Variants in MAMLD1 observed in about 807,000 individuals in gnomAD.
The protein encoded by MAMLD1 is mastermind like domain containing 1, also known as mastermind-like domain-containing protein 1.
MAMLD1 carries 14 observed loss-of-function variants against 45.0 expected under a neutral mutation model. The observed-to-expected ratio is 0.31, with a 90% confidence interval of 0.21 to 0.49. MAMLD1 has a LOEUF of 0.49. MAMLD1 is among the 20% of genes least tolerant of loss of function. MAMLD1 has a pLI of 0.99. For synonymous variants in MAMLD1, 254 were observed against 247.8 expected, an observed-to-expected ratio of 1.02 and a Z score of -0.24; for missense variants, 543 against 603.6, an observed-to-expected ratio of 0.90 and a Z score of 1.05.
chrX:150,375,545 G>A (rs1029774484), intron 1 of MAMLD1, among the ~76,000 whole-genome samples: 1 of 112,664 alleles, frequency 8.9e-6, no homozygotes, highest in Non-Finnish European at 1.9e-5. Context: ...CTTTTGGAAA[G>A]AAATGTGTTG....
chrX:150,392,867 C>A (rs1053775325), intron 1 of MAMLD1, among the ~76,000 whole-genome samples: 2 of 110,445 alleles, frequency 1.8e-5, no homozygotes, highest in Non-Finnish European at 3.8e-5. Flanking sequence ...CTTGCCCCTT[C>A]ATGTGCATAG....
intron 1 of MAMLD1, among the ~76,000 whole-genome samples, chrX:150,417,197 C>T (rs1557402503): frequency 1.9e-5 from 2 of 106,371 alleles, no homozygotes; most frequent in East Asian, 6.0e-4. Context: ...GTGTGATATT[C>T]CCCTTCCTGT....
At chrX:150,509,396 A>G (rs2037836497) in intron 6 of MAMLD1, 1 of 119,723 alleles carries the variant, frequency 8.4e-6, no homozygotes, top group Admixed American at 8.5e-5. Flanking sequence ...CAGCCACAGC[A>G]TCCTTGGCTT....
intron 1 of MAMLD1, among the ~76,000 whole-genome samples, chrX:150,389,327 G>A (rs781999226): frequency 2.7e-5 from 3 of 111,846 alleles, no homozygotes; most frequent in Non-Finnish European, 3.8e-5. Context: ...GATTACAGGC[G>A]TGAACCACTG....
At chrX:150,430,481 T>G (rs1269471323) in intron 1 of MAMLD1, among the ~76,000 whole-genome samples, 3 of 111,798 alleles carry the variant, frequency 2.7e-5, no homozygotes, top group Non-Finnish European at 5.6e-5. Flanking sequence ...TTTGATGAAG[T>G]CTAGTTTATG....
intron 1 of MAMLD1, among the ~76,000 whole-genome samples, chrX:150,437,269 C>T (rs1799501074): frequency 8.9e-6 from 1 of 111,770 alleles, no homozygotes; most frequent in Admixed American, 9.5e-5. Flanking sequence ...CCGGTAGGTG[C>T]AGGGGTTGCC....
chrX:150,511,871 G>C (rs1260100892), intron 7 of MAMLD1, 133 bp from the exon 8 acceptor site: 15 of 470,680 alleles, frequency 3.2e-5, no homozygotes, highest in African/African-American at 1.7e-4. Flanking sequence ...TGGGGAGCAG[G>C]GGGGAGCTCA....
At chrX:150,436,273 G>A (rs962144658) in intron 1 of MAMLD1, among the ~76,000 whole-genome samples, 3 of 111,198 alleles carry the variant, frequency 2.7e-5, no homozygotes, top group Non-Finnish European at 5.7e-5. Flanking sequence ...GCCTGTCTAG[G>A]TAGGTTGGGG....
At chrX:150,462,323 CAT>C (rs1337174044) in intron 2 of MAMLD1, among the ~76,000 whole-genome samples, 1 of 112,002 alleles carries the variant, frequency 8.9e-6, no homozygotes, top group African/African-American at 3.2e-5. Flanking sequence ...GTTTGGGTTC[CAT>C]ATGACTGACA....
In MAMLD1 at chrX:150,457,256, G is replaced by A. The variant is rs368843054; in HGVS notation, c.97-5516G>A. Reference sequence around the variant, plus strand: ...GCATGGTACAGTGTGGTGCAGACCAGCAGCAGGAACAGAAAGGTGCTTCTC... The same window carrying A: ...GCATGGTACAGTGTGGTGCAGACCAACAGCAGGAACAGAAAGGTGCTTCTC... On this transcript the variant is annotated intron_variant, in intron 2 of 7. Transcript: ENST00000370401. Among the ~76,000 whole-genome samples the A allele has an allele frequency of 3.8e-4, 43 of 112,367 alleles. No individual in the cohort carries two copies. In the East Asian group the frequency reaches 7.3e-3, roughly 19 times the overall value.
intron 1 of MAMLD1, among the ~76,000 whole-genome samples, chrX:150,416,882 G>A (rs1410338848): frequency 2.7e-5 from 3 of 111,969 alleles, no homozygotes; most frequent in Non-Finnish European, 3.8e-5. Flanking sequence ...GTCTCTAAGC[G>A]CAACACTACG....
intron 5 of MAMLD1, among the ~76,000 whole-genome samples, chrX:150,482,042 C>T (rs1488017797): frequency 9.9e-6 from 1 of 100,928 alleles, no homozygotes; most frequent in Non-Finnish European, 2.1e-5. Flanking sequence ...GAATTGAAAG[C>T]AGGGGCTCAA....
intron 1 of MAMLD1, among the ~76,000 whole-genome samples, chrX:150,385,104 A>T (rs1470634173): frequency 1.8e-5 from 2 of 111,473 alleles, no homozygotes; most frequent in African/African-American, 6.5e-5. Flanking sequence ...CTAAGACATT[A>T]ACAACCACTA....
chrX:150,470,462 C>T lies in MAMLD1; in HGVS notation c.889C>T (p.Pro297Ser). ...AMLPVALPPL[P>S]VPQWHHAHQL... Reference sequence around the variant, plus strand: ...GCTCCCTGTCGCTCTGCCCCCCTTACCAGTGCCTCAGTGGCATCACGCCCA... The same window carrying T: ...GCTCCCTGTCGCTCTGCCCCCCTTATCAGTGCCTCAGTGGCATCACGCCCA... The change falls in exon 4 of 8, where the codon CCA (proline) becomes TCA (serine). Residue 297 changes from proline (P) to serine (S), a missense_variant. Physicochemically the swap from Pro to Ser is moderately conservative, Grantham distance 74 (BLOSUM62 -1). Transcript: ENST00000370401. 1 of 1,212,158 alleles carries T rather than the reference C, an allele frequency of 8.2e-7. No individual in the cohort carries two copies. The highest frequency in any genetic ancestry group is 1.1e-6 in the Non-Finnish European group (1 of 895,631).
intron 1 of MAMLD1, among the ~76,000 whole-genome samples, chrX:150,394,604 C>A (rs1280326254): frequency 1.8e-5 from 2 of 111,401 alleles, no homozygotes; most frequent in Non-Finnish European, 3.8e-5. Flanking sequence ...TTATTTAGTT[C>A]TTTGATTTTT....
chrX:150,456,111 G>A (rs1315003488), intron 2 of MAMLD1, among the ~76,000 whole-genome samples: 3 of 111,054 alleles, frequency 2.7e-5, no homozygotes, highest in African/African-American at 9.8e-5. Context: ...TAAGTGTGAA[G>A]AGCTGAAGTG....
In MAMLD1 at chrX:150,469,932, C is replaced by T. The variant is rs781910423; in HGVS notation, c.359C>T (p.Ala120Val). The T allele has an allele frequency of 5.8e-6, 7 of 1,209,980 alleles. No homozygotes were observed. The highest frequency in any genetic ancestry group is 3.0e-5 in the East Asian group (1 of 33,771). Residue 120 changes from alanine (A) to valine (V), a missense_variant, in exon 4 of 8, where the codon GCG (alanine) becomes GTG (valine). Physicochemically the swap from Ala to Val is moderately conservative, Grantham distance 64 (BLOSUM62 0). Coordinates refer to ENST00000370401, the MANE Select transcript of MAMLD1 (RefSeq NM_005491.5). ...CCATTGACAATAAATCCTAGCCCTG[C>T]GGCTATGGGAGTGGCTGGCCAGTCA... ...VPPLTINPSPAAMGVAGQSLL... is the reference protein window; with the variant it reads ...VPPLTINPSPVAMGVAGQSLL...
At chrX:150,403,258 C>T (rs1435208886) in intron 1 of MAMLD1, among the ~76,000 whole-genome samples, 1 of 111,099 alleles carries the variant, frequency 9.0e-6, no homozygotes, top group Admixed American at 9.5e-5. Context: ...ATCAGTAAAT[C>T]ATAAGAACAA....
chrX:150,374,177 C>T (rs781909705), intron 1 of MAMLD1, among the ~76,000 whole-genome samples: 4 of 112,799 alleles, frequency 3.5e-5, no homozygotes, highest in African/African-American at 1.3e-4. Context: ...AAAAATAACA[C>T]GCAATGTTGC....
Sources: gnomAD v4.1 joint callset for allele counts (sites outside exome capture counted in the v4.1 genomes callset) on GRCh38, gnomAD v4.1.1 for gene constraint, MANE v1.5 for transcripts, NCBI Gene and HGNC (gene_info 2026-07-23, HGNC 2026-07-21) for gene names.